Variants in FUT8 observed in about 807,000 individuals in gnomAD.
FUT8 encodes the protein alpha-(1,6)-fucosyltransferase.
Under a neutral mutation model 71.3 loss-of-function variants are expected in FUT8, and 29 were observed. The ratio of observed to expected loss-of-function variants is 0.41; its 90% CI spans 0.30 to 0.55. The LOEUF is 0.55. Among genes scored for constraint, FUT8 ranks in the 20% least tolerant of loss-of-function variants. FUT8 has a pLI of 0.34. For synonymous variants in FUT8, 254 were observed against 239.3 expected (o/e 1.06, Z -0.57); for missense variants, 544 against 702.1 (o/e 0.77, Z 2.55).
intron 2 of FUT8, chr14:65,471,071 G>A (rs1259488748): frequency 2.1e-6 from 1 of 466,626 alleles, no homozygotes; most frequent in South Asian, 1.6e-5. Flanking sequence ...GTAATCCTGT[G>A]TTGTACAAGA....
At chr14:65,508,548 T>C (rs1285078272) in intron 2 of FUT8, among the ~76,000 whole-genome samples, 1 of 127,880 alleles carries the variant, frequency 7.8e-6, no homozygotes, top group Non-Finnish European at 1.6e-5. Flanking sequence ...TTGCCTAGGC[T>C]GGAGTGCAAT....
chr14:65,588,433 G>A (rs1887506410), intron 3 of FUT8, among the ~76,000 whole-genome samples: 1 of 151,976 alleles, frequency 6.6e-6, no homozygotes, highest in African/African-American at 2.4e-5. Context: ...CCAAATTATC[G>A]CTGTTATTAC....
intron 3 of FUT8, among the ~76,000 whole-genome samples, chr14:65,598,443 G>A (rs574638695): frequency 5.1e-4 from 77 of 152,054 alleles, no homozygotes; most frequent in Admixed American, 1.4e-3. Context: ...GGCTGGTCTC[G>A]AACTCCTGAC....
intron 2 of FUT8, among the ~76,000 whole-genome samples, chr14:65,526,265 A>G (rs1029243018): frequency 2.6e-5 from 4 of 152,148 alleles, no homozygotes; most frequent in African/African-American, 9.7e-5. Context: ...GTGCAAATAT[A>G]TTTAGTATAG....
intron 1 of FUT8, among the ~76,000 whole-genome samples, chr14:65,436,120 A>G (rs948561117): frequency 1.3e-5 from 2 of 151,588 alleles, no homozygotes; most frequent in African/African-American, 4.8e-5. Flanking sequence ...TTGTAGAGAC[A>G]AGGTCTCACT....
intron 6 of FUT8, among the ~76,000 whole-genome samples, chr14:65,650,259 A>G (rs1420619502): frequency 7.8e-6 from 1 of 128,808 alleles, no homozygotes; most frequent in Non-Finnish European, 1.6e-5. Context: ...AGATCGTGCC[A>G]CTGCACTCCA....
At chr14:65,427,482 G>A (rs76864897) in intron 1 of FUT8, among the ~76,000 whole-genome samples, 2,945 of 152,206 alleles carry the variant, frequency 0.019, 43 homozygotes, top group Non-Finnish European at 0.032. Flanking sequence ...TCTAACAGGC[G>A]TGAGGTGATA....
intron 7 of FUT8, among the ~76,000 whole-genome samples, chr14:65,670,291 C>T (rs1892413732): frequency 6.6e-6 from 1 of 152,086 alleles, no homozygotes; most frequent in Non-Finnish European, 1.5e-5. Flanking sequence ...GTTTTGTAAT[C>T]TTGGACAAGT....
intron 2 of FUT8, among the ~76,000 whole-genome samples, chr14:65,463,690 G>T (rs909920759): frequency 1.3e-5 from 2 of 152,146 alleles, no homozygotes; most frequent in Non-Finnish European, 2.9e-5. Flanking sequence ...CATTCCTGGG[G>T]CCATGGTGGC....
intron 7 of FUT8, among the ~76,000 whole-genome samples, chr14:65,677,360 T>C (rs1892814388): frequency 6.6e-6 from 1 of 152,066 alleles, no homozygotes; most frequent in Non-Finnish European, 1.5e-5. Flanking sequence ...TTAGCAGTTA[T>C]TGAAAATAAT....
intron 7 of FUT8, among the ~76,000 whole-genome samples, chr14:65,699,013 G>T (rs1594911787): frequency 6.6e-6 from 1 of 152,062 alleles, no homozygotes; most frequent in East Asian, 1.9e-4. Flanking sequence ...TACCACTTCT[G>T]TGTGGAGTAC....
chr14:65,644,113 G>A (rs968930125), intron 6 of FUT8, among the ~76,000 whole-genome samples: 4 of 152,068 alleles, frequency 2.6e-5, no homozygotes, highest in Non-Finnish European at 5.9e-5. Context: ...GAGTTCCAGC[G>A]AAGCAAGAAT....
rs1246854608 is a variant in FUT8 at position 65,643,362 on chromosome 14, T to G, written c.597+13756T>G. On this transcript the variant is annotated intron_variant, in intron 6 of 10. Transcript: ENST00000673929. The surrounding 1 kb of genome is among the most constrained non-coding windows in gnomAD (Gnocchi z 4.5). ...AACATCTGTGACCTGGAAATAAAATTGACAGATTCTGGCCCAGCGTGGTGG... is the reference window on the plus strand; with the variant it reads ...AACATCTGTGACCTGGAAATAAAATGGACAGATTCTGGCCCAGCGTGGTGG... Among the ~76,000 whole-genome samples the G allele has an allele frequency of 6.6e-6, 1 of 152,134 alleles. No individual in the cohort carries two copies. Among genetic ancestry groups the G allele is most frequent in the Non-Finnish European group, 1.5e-5 (1 of 68,030 alleles).
At position 65,672,502 on chromosome 14, in the gene FUT8, C is replaced by T. The variant is rs1259948644; in HGVS notation, c.835+3022C>T. Among the ~76,000 whole-genome samples, 6 of 152,148 alleles carry T rather than the reference C, an allele frequency of 3.9e-5. No individual in the cohort carries two copies. In the East Asian group the frequency reaches 1.2e-3, roughly 29 times the overall value. ...AGAGACAGAGTCTTGCTCTGACACC[C>T]AGGCTGGAGTGCGGGGGCATGATCC... On this transcript the variant is annotated intron_variant, in intron 7 of 10. Coordinates refer to ENST00000673929, the MANE Select transcript of FUT8 (RefSeq NM_001371533.1).
At chr14:65,377,711 A>G in the FUT8 span, among the ~76,000 whole-genome samples, 3 of 144,520 alleles carry the variant, frequency 2.1e-5, no homozygotes, top group Non-Finnish European at 3.1e-5. Flanking sequence ...TCGATCTTGT[A>G]AAAAGCAAGA....
At chr14:65,641,959 T>C (rs1351421644) in intron 6 of FUT8, among the ~76,000 whole-genome samples, 1 of 152,130 alleles carries the variant, frequency 6.6e-6, no homozygotes, top group Non-Finnish European at 1.5e-5. Context: ...TGGAAATTTT[T>C]GTTTGGAAAT....
At chr14:65,726,526 A>C (rs952128482) in intron 9 of FUT8, among the ~76,000 whole-genome samples, 2 of 152,176 alleles carry the variant, frequency 1.3e-5, no homozygotes, top group African/African-American at 4.8e-5. Flanking sequence ...AAACCATTAG[A>C]TCTTGTGAGA....
intron 2 of FUT8, among the ~76,000 whole-genome samples, chr14:65,532,227 A>C (rs1172239043): frequency 6.6e-6 from 1 of 152,204 alleles, no homozygotes; most frequent in Non-Finnish European, 1.5e-5. Flanking sequence ...AACTAATTTT[A>C]CACTCCCACC....
At chr14:65,409,012 C>T (rs2065098417), upstream of FUT8, among the ~76,000 whole-genome samples, 1 of 152,010 alleles carries the variant, frequency 6.6e-6, no homozygotes, top group African/African-American at 2.4e-5. The surrounding 1 kb of genome is among the most constrained non-coding windows in gnomAD (Gnocchi z 5.4). Flanking sequence ...TAGTTATTGT[C>T]AATGGTGTGT....
Sources: gnomAD v4.1 joint callset for allele counts (sites outside exome capture counted in the v4.1 genomes callset) on GRCh38, gnomAD v4.1.1 for gene constraint, Gnocchi (gnomAD v3.1) non-coding constraint, MANE v1.5 for transcripts, NCBI Gene and HGNC (gene_info 2026-07-23, HGNC 2026-07-21) for gene names.